The following CATSPERD variants were observed in gnomAD, a reference collection of about 807,000 sequenced individuals.
The protein encoded by CATSPERD is cation channel sperm-associated auxiliary subunit delta.
CATSPERD carries 86 observed loss-of-function variants against 98.1 expected under a neutral mutation model. That is an observed-to-expected ratio of 0.88 (90% CI 0.74 to 1.05). The LOEUF (loss-of-function observed/expected upper bound fraction) is 1.05. CATSPERD is among the 50% of genes least tolerant of loss of function. The pLI is 0.00. For missense variants in CATSPERD, 995 were observed against 1,005.7 expected, an observed-to-expected ratio of 0.99 and a Z score of 0.14; for synonymous variants, 394 against 390.2, an observed-to-expected ratio of 1.01 and a Z score of -0.12.
At chr19:5,731,251 G>A (rs1240868577) in intron 4 of CATSPERD, among the ~76,000 whole-genome samples, 2 of 152,078 alleles carry the variant, frequency 1.3e-5, no homozygotes, top group Non-Finnish European at 2.9e-5. Context: ...AGGCTGAGGT[G>A]GGCAGATTGC....
intron 9 of CATSPERD, 56 bp downstream of exon 9, chr19:5,746,119 C>T (rs1051489708): frequency 6.9e-6 from 11 of 1,592,338 alleles, no homozygotes; most frequent in Non-Finnish European, 7.7e-6. Flanking sequence ...CCAGAGGGGC[C>T]GAGTACAGCC....
intron 4 of CATSPERD, among the ~76,000 whole-genome samples, chr19:5,733,009 T>C (rs1229110472): frequency 6.6e-6 from 1 of 150,720 alleles, no homozygotes; most frequent in Non-Finnish European, 1.5e-5. Flanking sequence ...TTCTTTTTCT[T>C]TTTTTTTTCA....
At chr19:5,735,136 A>C (rs565198831) in intron 5 of CATSPERD, among the ~76,000 whole-genome samples, 3 of 152,104 alleles carry the variant, frequency 2.0e-5, no homozygotes, top group Admixed American at 1.3e-4. Flanking sequence ...TTTACAAAAA[A>C]CCTTACTTTT....
Position 5,759,137 on chromosome 19 carries a change from A to C in CATSPERD, c.1420A>C (p.Thr474Pro). ...CTGGGGCAGGACCGACTCCAACTTC[A>C]CTTCCAGGTATGTTGTCTCCTGGGA... ...QHWGRTDSNFTSSLKKATMST... is the reference protein window; with the variant it reads ...QHWGRTDSNFPSSLKKATMST... The change falls in exon 15 of 22, where the codon ACT becomes CCT. Residue 474 changes from threonine to proline, a missense_variant. Thr to Pro is a conservative substitution (Grantham distance 38, BLOSUM62 -1). Coordinates refer to ENST00000381624, the MANE Select transcript of CATSPERD (RefSeq NM_152784.4). 1.9e-6 allele frequency: 3 copies of C among 1,613,816 alleles called. No individual in the cohort carries two copies. Among genetic ancestry groups the C allele is most frequent in the Non-Finnish European group, 1.7e-6 (2 of 1,179,898 alleles).
Position 5,728,313 on chromosome 19 carries a change from G to A in CATSPERD, c.203+969G>A, listed in dbSNP as rs376037183. 2.9e-4 allele frequency among the ~76,000 whole-genome samples: 40 copies of A among 136,886 alleles called. No individual in the cohort carries two copies. In the East Asian group the frequency reaches 8.3e-3, roughly 28 times the overall value. 89.8% of individuals were successfully genotyped at this position (136,886 alleles called of 152,430 possible). On this transcript the variant is annotated intron_variant, in intron 3 of 21. Transcript: ENST00000381624. ...TCGGAGGTTGCAGTGAGCTGAGATC[G>A]CACCACTGCACTCCAGCCTGGCGAC... is the stretch of plus-strand genomic sequence containing the variant.
At position 5,760,767 on chromosome 19, in the gene CATSPERD, G is replaced by A. The variant is rs139428679; in HGVS notation, c.1427+1623G>A. On this transcript the variant is annotated intron_variant, in intron 15 of 21. Coordinates refer to ENST00000381624, the MANE Select transcript of CATSPERD (RefSeq NM_152784.4). ...TTTGGGGCCCGGTGTGACGGCTCAC[G>A]CCTATAATCACAGCAACTCAGGAGA... Among the ~76,000 whole-genome samples, 1,428 of 152,028 alleles carry A rather than the reference G, an allele frequency of 9.4e-3. 36 individuals carry two copies. Among genetic ancestry groups the A allele is most frequent in the African/African-American group, 0.033 (1,368 of 41,470 alleles).
chr19:5,727,493 A>G (rs1599506878), intron 3 of CATSPERD, 149 bp downstream of exon 3: 2 of 632,872 alleles, frequency 3.2e-6, no homozygotes, highest in Non-Finnish European at 5.6e-6. Flanking sequence ...CAGGGGCTGG[A>G]ATTGGAGGAA....
chr19:5,729,222 A>G (rs534645045), intron 3 of CATSPERD, among the ~76,000 whole-genome samples: 1 of 151,984 alleles, frequency 6.6e-6, no homozygotes, highest in African/African-American at 2.4e-5. Flanking sequence ...CAGCCTCCCA[A>G]GTAGCTGGGA....
At chr19:5,728,114 C>T (rs1230356454) in intron 3 of CATSPERD, among the ~76,000 whole-genome samples, 2 of 150,562 alleles carry the variant, frequency 1.3e-5, no homozygotes, top group Non-Finnish European at 3.0e-5. Flanking sequence ...AATCCCAGCA[C>T]TTTGGGAGGC....
chr19:5,742,269 C>T (rs1385222751), intron 7 of CATSPERD, among the ~76,000 whole-genome samples: 1 of 141,738 alleles, frequency 7.1e-6, no homozygotes, highest in Non-Finnish European at 1.5e-5. Flanking sequence ...TGTGCGTGTG[C>T]ATGTGTGTAC....
chr19:5,731,600 G>A (rs2055724282), intron 4 of CATSPERD, among the ~76,000 whole-genome samples: 1 of 100,354 alleles, frequency 1.0e-5, no homozygotes, highest in South Asian at 3.8e-4. Context: ...ACGGAGTCTC[G>A]CTCTGTCACC....
intron 17 of CATSPERD, among the ~76,000 whole-genome samples, chr19:5,767,561 C>T (rs551953490): frequency 4.0e-5 from 6 of 151,066 alleles, no homozygotes; most frequent in African/African-American, 1.5e-4. Context: ...GATCTCGGCT[C>T]ACTACAAGCT....
chr19:5,751,930 A>G, intron 12 of CATSPERD, 107 bp downstream of exon 12: 1 of 1,063,390 alleles, frequency 9.4e-7, no homozygotes. Context: ...CAGGAGGCTG[A>G]GGCTGGAGGG....
intron 14 of CATSPERD, 143 bp downstream of exon 14, chr19:5,758,075 C>T: frequency 1.6e-6 from 1 of 634,142 alleles, no homozygotes; most frequent in Non-Finnish European, 2.6e-6. Flanking sequence ...GATCAGGCAG[C>T]CGTCAACCAC....
chr19:5,722,184 C>T (rs1365056190), intron 1 of CATSPERD, among the ~76,000 whole-genome samples: 2 of 151,556 alleles, frequency 1.3e-5, no homozygotes, highest in Non-Finnish European at 2.9e-5. Flanking sequence ...TACAATGTCA[C>T]GGTCTCGGCT....
chr19:5,750,562 G>C (rs2056192698), intron 11 of CATSPERD, among the ~76,000 whole-genome samples: 1 of 150,424 alleles, frequency 6.6e-6, no homozygotes, highest in Non-Finnish European at 1.5e-5. Flanking sequence ...GCAACATAGT[G>C]AGACCCCGTC....
In CATSPERD at chr19:5,753,371, T is replaced by TAA. The variant is rs543120650; in HGVS notation, c.1165-760_1165-759dup. 1.6e-4 allele frequency: 26 copies of TAA among 167,684 alleles called. No individual in the cohort carries two copies. In the East Asian group the frequency reaches 4.8e-3, roughly 31 times the overall value. 10.4% of individuals were successfully genotyped at this position (167,684 alleles called of 1,614,324 possible). ...GTCAGGAGATCGAGACCTTCCTGGCTAACAGTGAAACCCCATCTCTACCAA... is the reference window on the plus strand; with the variant it reads ...GTCAGGAGATCGAGACCTTCCTGGCTAAAACAGTGAAACCCCATCTCTACCAA... On this transcript the variant is annotated intron_variant, in intron 12 of 21. Transcript: ENST00000381624.
At chr19:5,758,573 C>CAAAAAAAA (rs71172762) in intron 14 of CATSPERD, among the ~76,000 whole-genome samples, 2 of 109,688 alleles carry the variant, frequency 1.8e-5, no homozygotes, top group African/African-American at 3.5e-5. Flanking sequence ...ACTAAAAATA[C>CAAAAAAAA]AAAAAAAAAA....
At chr19:5,739,145 G>A (rs1416115523) in intron 6 of CATSPERD, among the ~76,000 whole-genome samples, 181 bp from the exon 7 acceptor site, 2 of 152,174 alleles carry the variant, frequency 1.3e-5, no homozygotes, top group African/African-American at 2.4e-5. Flanking sequence ...GATTACAGGC[G>A]TGAGCCACCG....
Sources: gnomAD v4.1 joint callset for allele counts (sites outside exome capture counted in the v4.1 genomes callset) on GRCh38, gnomAD v4.1.1 for gene constraint, MANE v1.5 for transcripts, NCBI Gene and HGNC (gene_info 2026-07-23, HGNC 2026-07-21) for gene names.